The following PLPP6 variants were observed in gnomAD, a reference collection of about 807,000 sequenced individuals.
The protein encoded by PLPP6 is polyisoprenoid diphosphate/phosphate phosphohydrolase PLPP6.
A neutral mutation model predicts 16.5 loss-of-function variants in PLPP6; 16 were observed. The ratio of observed to expected loss-of-function variants is 0.97; its 90% CI spans 0.66 to 1.47. The LOEUF is 1.47. Ranked by LOEUF, PLPP6 falls within the 40% of genes most tolerant of loss-of-function variation. PLPP6 has a pLI of 0.00. For missense variants in PLPP6, 512 were observed against 396.6 expected (o/e 1.29, Z -2.47); for synonymous variants, 226 against 188.1 (o/e 1.20, Z -1.65).
rs1200245956 is a variant in PLPP6, at chr9:4,664,210, A to G, written c.*947A>G. The G allele has an allele frequency of 6.0e-6, 1 of 167,110 alleles. No homozygotes were observed. Among genetic ancestry groups the G allele is most frequent in the Admixed American group, 6.5e-5 (1 of 15,288 alleles). The allele number at this position is 167,110 out of a possible 1,614,324, so 10.4% of individuals were successfully genotyped here. ...ACATATTATGCCAGTGACCAGTATGACAGGAGATGGGGCCCTGCTGCCAGT... is the reference window on the plus strand; with the variant it reads ...ACATATTATGCCAGTGACCAGTATGGCAGGAGATGGGGCCCTGCTGCCAGT... On this transcript the variant is annotated 3_prime_UTR_variant, in exon 1 of 1. Coordinates refer to ENST00000381883, the MANE Select transcript of PLPP6 (RefSeq NM_203453.5).
Position 4,664,186 on chromosome 9 carries a change from C to T in PLPP6, c.*923C>T, listed in dbSNP as rs1271426865. 1 of 167,096 alleles carries T rather than the reference C, an allele frequency of 6.0e-6. No individual in the cohort carries two copies. Among genetic ancestry groups the T allele is most frequent in the African/African-American group, 2.4e-5 (1 of 41,458 alleles). The allele number at this position is 167,096 out of a possible 1,614,324, so 10.4% of individuals were successfully genotyped here. A position where few individuals can be genotyped will look rare whatever the true frequency, so the allele number is the denominator to read the frequency against. On this transcript the variant is annotated 3_prime_UTR_variant, in exon 1 of 1. Coordinates refer to ENST00000381883, the MANE Select transcript of PLPP6 (RefSeq NM_203453.5). ...TGAAAGTTTGGGAATAGGCTGACCA[C>T]ATATTATGCCAGTGACCAGTATGAC...
At position 4,664,928 on chromosome 9, in the gene PLPP6, GGTTT is replaced by G. The variant is rs1269507914; in HGVS notation, c.*1669_*1672del. ...AAACTGTGAAGCTCTAAGTGGTTTG[GGTTT>G]GTTGTTTAACCTTAGCGAGATCCTT... On this transcript the variant is annotated 3_prime_UTR_variant, in exon 1 of 1. Transcript: ENST00000381883. The G allele has an allele frequency of 1.2e-5, 2 of 167,076 alleles. No individual in the cohort carries two copies. The highest frequency in any genetic ancestry group is 2.9e-5 in the Non-Finnish European group (2 of 68,128). The allele number at this position is 167,076 out of a possible 1,614,324, so 10.3% of individuals were successfully genotyped here. A position where few individuals can be genotyped will look rare whatever the true frequency, so the allele number is the denominator to read the frequency against.
chr9:4,662,379 C>G lies in PLPP6; in HGVS notation c.4C>G (p.Pro2Ala). 6.6e-7 allele frequency: 1 copy of G among 1,514,406 alleles called. No homozygotes were observed. The highest frequency in any genetic ancestry group is 8.8e-7 in the Non-Finnish European group (1 of 1,139,178). The allele number at this position is 1,514,406 out of a possible 1,614,324, so 93.8% of individuals were successfully genotyped here. Residue 2 changes from proline (P) to alanine (A), a missense_variant, in exon 1 of 1, where the codon CCA becomes GCA. Physicochemically the swap from Pro to Ala is conservative, Grantham distance 27. Coordinates refer to ENST00000381883, the MANE Select transcript of PLPP6 (RefSeq NM_203453.5). The surrounding 1 kb of genome is among the most constrained non-coding windows in gnomAD (Gnocchi z 4.9). ...GGGATCCGGGCCGCCAGCTGCGATGCCAAGTCCCCGGAGGAGCATGGAGGG... is the reference window on the plus strand; with the variant it reads ...GGGATCCGGGCCGCCAGCTGCGATGGCAAGTCCCCGGAGGAGCATGGAGGG... Reference protein sequence around the residue: MPSPRRSMEGRP... With the variant: MASPRRSMEGRP...
chr9:4,662,317 A>G lies in PLPP6; in HGVS notation c.-59A>G, dbSNP rs923686240. The G allele has an allele frequency of 1.7e-4, 250 of 1,441,874 alleles. No homozygotes were observed. Among genetic ancestry groups the G allele is most frequent in the Non-Finnish European group, 2.2e-4 (246 of 1,103,506 alleles). The allele number at this position is 1,441,874 out of a possible 1,614,324, so 89.3% of individuals were successfully genotyped here. A position where few individuals can be genotyped will look rare whatever the true frequency, so the allele number is the denominator to read the frequency against. On this transcript the variant is annotated 5_prime_UTR_variant, in exon 1 of 1. Transcript: ENST00000381883. The surrounding 1 kb of genome is among the most constrained non-coding windows in gnomAD (Gnocchi z 4.9). ...GTAGTGCGGAAGCGGAAGAGGCTGCAGGGCCGGGAAGCCTCTGTTTGGTCC... is the reference window on the plus strand; with the variant it reads ...GTAGTGCGGAAGCGGAAGAGGCTGCGGGGCCGGGAAGCCTCTGTTTGGTCC...
In PLPP6 at chr9:4,663,598, G is replaced by C. The variant is rs1227028661; in HGVS notation, c.*335G>C. Reference sequence around the variant, plus strand: ...TTGGTATCAGTAAGATTTGTGTTTTGTGATAATCCCTAAATCAACATACCA... The same window carrying C: ...TTGGTATCAGTAAGATTTGTGTTTTCTGATAATCCCTAAATCAACATACCA... On this transcript the variant is annotated 3_prime_UTR_variant, in exon 1 of 1. Transcript: ENST00000381883. 2 of 267,480 alleles carry C rather than the reference G, an allele frequency of 7.5e-6. No individual in the cohort carries two copies. Among genetic ancestry groups the C allele is most frequent in the South Asian group, 8.0e-5 (1 of 12,450 alleles). The allele number at this position is 267,480 out of a possible 1,614,324, so 16.6% of individuals were successfully genotyped here. A position where few individuals can be genotyped will look rare whatever the true frequency, so the allele number is the denominator to read the frequency against.
Position 4,662,917 on chromosome 9 carries a change from C to G in PLPP6, c.542C>G (p.Ala181Gly), listed in dbSNP as rs781714214. Residue 181 changes from alanine (A) to glycine (G), a missense_variant, in exon 1 of 1, where the codon GCC becomes GGC. By Grantham distance (60) the Ala-to-Gly change is moderately conservative. Transcript: ENST00000381883. The surrounding 1 kb of genome is among the most constrained non-coding windows in gnomAD (Gnocchi z 4.9). ...FALLLDLLLV[A>G]LIKGLVRRRR... ...CTGCTGTTGGACCTGCTGCTGGTGG[C>G]CTTGATCAAAGGGCTGGTCCGCAGG... is the stretch of plus-strand genomic sequence containing the variant. 1 of 1,610,082 alleles carries G rather than the reference C, an allele frequency of 6.2e-7. No homozygotes were observed. The highest frequency in any genetic ancestry group is 1.1e-5 in the South Asian group (1 of 91,060).
At position 4,664,880 on chromosome 9, in the gene PLPP6, C is replaced by T. The variant is rs1489872332; in HGVS notation, c.*1617C>T. 6.0e-6 allele frequency: 1 copy of T among 167,106 alleles called. No individual in the cohort carries two copies. The highest frequency in any genetic ancestry group is 2.4e-5 in the African/African-American group (1 of 41,438). 10.4% of individuals were successfully genotyped at this position (167,106 alleles called of 1,614,324 possible). A position where few individuals can be genotyped will look rare whatever the true frequency, so the allele number is the denominator to read the frequency against. On this transcript the variant is annotated 3_prime_UTR_variant, in exon 1 of 1. Coordinates refer to ENST00000381883, the MANE Select transcript of PLPP6 (RefSeq NM_203453.5). ...CCCACAGCATCCTGAATACCGACTA[C>T]CTCTTCACTTGCTAAAGCAGCTAAA...
rs187270213 is a variant in PLPP6, at chr9:4,665,076, A to G, written c.*1813A>G. ...GCTTACCATCTGATTTGTAATTACAATTTTGGAATTCTCTGTTTTAGTTGC... is the reference window on the plus strand; with the variant it reads ...GCTTACCATCTGATTTGTAATTACAGTTTTGGAATTCTCTGTTTTAGTTGC... On this transcript the variant is annotated 3_prime_UTR_variant, in exon 1 of 1. Coordinates refer to ENST00000381883, the MANE Select transcript of PLPP6 (RefSeq NM_203453.5). The G allele has an allele frequency of 2.4e-5, 4 of 167,206 alleles. No homozygotes were observed. Among genetic ancestry groups the G allele is most frequent in the South Asian group, 4.1e-4 (2 of 4,826 alleles). The allele number at this position is 167,206 out of a possible 1,614,324, so 10.4% of individuals were successfully genotyped here.
chr9:4,662,952 G>A lies in PLPP6; in HGVS notation c.577G>A (p.Ala193Thr), dbSNP rs371968478. ...IKGLVRRRRP[A>T]HNQMDMFVTL... Reference sequence around the variant, plus strand: ...AGGGCTGGTCCGCAGGCGCCGCCCGGCCCACAACCAGATGGACATGTTTGT... The same window carrying A: ...AGGGCTGGTCCGCAGGCGCCGCCCGACCCACAACCAGATGGACATGTTTGT... The change falls in exon 1 of 1, where the codon GCC (alanine) becomes ACC (threonine). Residue 193 changes from alanine to threonine, a missense_variant. Transcript: ENST00000381883. This position sits in a 1 kb window ranked among gnomAD's most constrained non-coding sequence, Gnocchi z 4.9. The A allele has an allele frequency of 3.1e-6, 5 of 1,612,134 alleles. No homozygotes were observed. In the African/African-American group the frequency reaches 5.3e-5, roughly 17 times the overall value.
Position 4,663,424 on chromosome 9 carries a change from C to T in PLPP6, c.*161C>T, listed in dbSNP as rs1446512624. On this transcript the variant is annotated 3_prime_UTR_variant, in exon 1 of 1. Coordinates refer to ENST00000381883, the MANE Select transcript of PLPP6 (RefSeq NM_203453.5). ...CTTGATGTGCTGCTAGGCTGGAGCA[C>T]ACACTGGCCATTACTGAACACAGCC... 3 of 775,738 alleles carry T rather than the reference C, an allele frequency of 3.9e-6. No homozygotes were observed. In the African/African-American group the frequency reaches 5.2e-5, roughly 13 times the overall value. The allele number at this position is 775,738 out of a possible 1,614,324, so 48.1% of individuals were successfully genotyped here. A position where few individuals can be genotyped will look rare whatever the true frequency, so the allele number is the denominator to read the frequency against.
Position 4,665,154 on chromosome 9 carries a change from T to C in PLPP6, c.*1891T>C, listed in dbSNP as rs375527417. The stretch of plus-strand genomic sequence containing the variant: ...GCATAGATCATTTCACCTGATGTTT[T>C]TGAAGCATCCTAAGTACAGTAGAGT... On this transcript the variant is annotated 3_prime_UTR_variant, in exon 1 of 1. Transcript: ENST00000381883. The C allele has an allele frequency of 1.2e-5, 2 of 167,240 alleles. No individual in the cohort carries two copies. Among genetic ancestry groups the C allele is most frequent in the South Asian group, 4.1e-4 (2 of 4,830 alleles). The allele number at this position is 167,240 out of a possible 1,614,324, so 10.4% of individuals were successfully genotyped here.
chr9:4,662,653 A>T lies in PLPP6; in HGVS notation c.278A>T (p.Asp93Val). Residue 93 changes from aspartate (D) to valine (V), a missense_variant, in exon 1 of 1, where the codon GAC becomes GTC. Asp to Val is a radical substitution (Grantham distance 152, BLOSUM62 -3). Transcript: ENST00000381883. The surrounding 1 kb of genome is among the most constrained non-coding windows in gnomAD (Gnocchi z 4.9). ...APPLPEEDRM[D>V]LNPSFLGIAL... The stretch of plus-strand genomic sequence containing the variant: ...CCGCTGCCCGAGGAGGACCGCATGG[A>T]CTTGAACCCGTCCTTCCTGGGCATC... 6.3e-7 allele frequency: 1 copy of T among 1,599,602 alleles called. No individual in the cohort carries two copies. Among genetic ancestry groups the T allele is most frequent in the South Asian group, 1.1e-5 (1 of 91,048 alleles).
chr9:4,662,827 T>C lies in PLPP6; in HGVS notation c.452T>C (p.Leu151Pro). The change falls in exon 1 of 1, where the codon CTC (leucine) becomes CCC (proline). Residue 151 changes from leucine (L) to proline (P), a missense_variant. By Grantham distance (98) the Leu-to-Pro change is moderately conservative. Coordinates refer to ENST00000381883, the MANE Select transcript of PLPP6 (RefSeq NM_203453.5). The surrounding 1 kb of genome is among the most constrained non-coding windows in gnomAD (Gnocchi z 4.9). ...GGCATCCCCTGGCTGCTGGGCACCCTCTACTGCCTGTGCAGGAGCGACAGC... is the reference window on the plus strand; with the variant it reads ...GGCATCCCCTGGCTGCTGGGCACCCCCTACTGCCTGTGCAGGAGCGACAGC... ...GHGIPWLLGTLYCLCRSDSWA... is the reference protein window; with the variant it reads ...GHGIPWLLGTPYCLCRSDSWA... 6.2e-7 allele frequency: 1 copy of C among 1,605,164 alleles called. No homozygotes were observed. The highest frequency in any genetic ancestry group is 1.1e-5 in the South Asian group (1 of 91,084).
rs1790510413 is a variant in PLPP6 at position 4,664,382 on chromosome 9, G to C, written c.*1119G>C. The C allele has an allele frequency of 6.0e-6, 1 of 167,004 alleles. No individual in the cohort carries two copies. Among genetic ancestry groups the C allele is most frequent in the South Asian group, 2.1e-4 (1 of 4,838 alleles). The allele number at this position is 167,004 out of a possible 1,614,324, so 10.3% of individuals were successfully genotyped here. On this transcript the variant is annotated 3_prime_UTR_variant, in exon 1 of 1. Coordinates refer to ENST00000381883, the MANE Select transcript of PLPP6 (RefSeq NM_203453.5). ...ATGGAATTCCGTTTTCTGAGGTACA[G>C]CACATTTTAGGTAACAGTATTTAAC...
Position 4,662,749 on chromosome 9 carries a change from C to G in PLPP6, c.374C>G (p.Ser125Trp). Residue 125 changes from serine (S) to tryptophan (W), a missense_variant, in exon 1 of 1, where the codon TCG becomes TGG. Coordinates refer to ENST00000381883, the MANE Select transcript of PLPP6 (RefSeq NM_203453.5). This position sits in a 1 kb window ranked among gnomAD's most constrained non-coding sequence, Gnocchi z 4.9. ...KKLGVCAGES[S>W]SWGSVRPLMK... ...CTGGGGGTGTGCGCGGGAGAGAGCT[C>G]GTCGTGGGGCAGCGTGCGACCCCTT... is the stretch of plus-strand genomic sequence containing the variant. 1.2e-6 allele frequency: 2 copies of G among 1,603,712 alleles called. No individual in the cohort carries two copies. The highest frequency in any genetic ancestry group is 1.7e-6 in the Non-Finnish European group (2 of 1,179,916).
Position 4,662,462 on chromosome 9 carries a change from T to C in PLPP6, c.87T>C (p.His29=), listed in dbSNP as rs980078358. 11 of 1,545,280 alleles carry C rather than the reference T, an allele frequency of 7.1e-6. No individual in the cohort carries two copies. In the Admixed American group the frequency reaches 1.5e-4, roughly 22 times the overall value. The stretch of plus-strand genomic sequence containing the variant: ...GCAGCAGCCCCGGCAGCCCAGCCCA[T>C]GGCGGCGGTGGCGGCGGCAGCAGGT... ...SSSSSPGSPA[H]GGGGGGSRFE... is the part of the protein sequence containing the mutation. The change falls in exon 1 of 1, where the codon CAT becomes CAC. Residue 29 remains histidine, a synonymous_variant. Coordinates refer to ENST00000381883, the MANE Select transcript of PLPP6 (RefSeq NM_203453.5). The surrounding 1 kb of genome is among the most constrained non-coding windows in gnomAD (Gnocchi z 4.9).
chr9:4,663,247 T>C lies in PLPP6; in HGVS notation c.872T>C (p.Leu291Pro), dbSNP rs374595571. The part of the protein sequence containing the change: ...SPHNAPVLFL[L>P]WSQR ...CATAATGCTCCGGTCCTCTTTTTACTGTGGAGTCAACGATGACACCATCTC... is the reference window on the plus strand; with the variant it reads ...CATAATGCTCCGGTCCTCTTTTTACCGTGGAGTCAACGATGACACCATCTC... Residue 291 changes from leucine (L) to proline (P), a missense_variant, in exon 1 of 1, where the codon CTG (leucine) becomes CCG (proline). By Grantham distance (98) the Leu-to-Pro change is moderately conservative. Coordinates refer to ENST00000381883, the MANE Select transcript of PLPP6 (RefSeq NM_203453.5). 8.6e-5 allele frequency: 139 copies of C among 1,613,302 alleles called. No individual in the cohort carries two copies. Among genetic ancestry groups the C allele is most frequent in the Admixed American group, 8.3e-4 (50 of 59,972 alleles).
In PLPP6 at chr9:4,662,484, AG is replaced by A. The variant is rs1348629058; in HGVS notation, c.111del (p.Arg37SerfsTer58). On this transcript the variant is annotated frameshift_variant, in exon 1 of 1. Transcript: ENST00000381883. LOFTEE classifies it high-confidence loss of function. This position sits in a 1 kb window ranked among gnomAD's most constrained non-coding sequence, Gnocchi z 4.9. The part of the protein sequence containing the change: ...PAHGGGGGGS[R>X]FEFQSLLSSR... ...CCATGGCGGCGGTGGCGGCGGCAGC[AG>A]GTTTGAGTTCCAGTCCCTGCTCAGC... The A allele has an allele frequency of 6.4e-7, 1 of 1,555,394 alleles. No individual in the cohort carries two copies. Among genetic ancestry groups the A allele is most frequent in the East Asian group, 2.4e-5 (1 of 42,176 alleles).
At position 4,662,371 on chromosome 9, in the gene PLPP6, C is replaced by T. The variant is rs758857857; in HGVS notation, c.-5C>T. Reference sequence around the variant, plus strand: ...CAGGTCCCGGGATCCGGGCCGCCAGCTGCGATGCCAAGTCCCCGGAGGAGC... The same window carrying T: ...CAGGTCCCGGGATCCGGGCCGCCAGTTGCGATGCCAAGTCCCCGGAGGAGC... On this transcript the variant is annotated 5_prime_UTR_variant, in exon 1 of 1. Transcript: ENST00000381883. This position sits in a 1 kb window ranked among gnomAD's most constrained non-coding sequence, Gnocchi z 4.9. 4.6e-6 allele frequency: 7 copies of T among 1,506,010 alleles called. No homozygotes were observed. In the African/African-American group the frequency reaches 5.6e-5, roughly 12 times the overall value. 93.3% of individuals were successfully genotyped at this position (1,506,010 alleles called of 1,614,324 possible).
Sources: allele counts gnomAD v4.1 joint callset, GRCh38; gene constraint gnomAD v4.1.1; non-coding constraint Gnocchi (gnomAD v3.1); transcripts MANE v1.5; gene names NCBI Gene and HGNC (gene_info 2026-07-23, HGNC 2026-07-21).